The following ATP6V0A1 variants were observed in gnomAD, a reference collection of about 807,000 sequenced individuals.
ATP6V0A1 encodes V-type proton ATPase 116 kDa subunit a 1.
ATP6V0A1 carries 43 observed loss-of-function variants against 105.4 expected under a neutral mutation model. The ratio of observed to expected loss-of-function variants is 0.41; its 90% CI spans 0.32 to 0.53. The LOEUF (loss-of-function observed/expected upper bound fraction) is 0.53, where lower values mean the gene tolerates loss of function less well. ATP6V0A1 is among the 20% of genes least tolerant of loss of function. ATP6V0A1 has a pLI of 0.30. For synonymous variants in ATP6V0A1, 362 were observed against 372.8 expected (o/e 0.97, Z 0.33); for missense variants, 676 against 1,051.1 (o/e 0.64, Z 4.93).
At chr17:42,490,787 C>T in intron 11 of ATP6V0A1, 150 bp downstream of exon 11, 1 of 797,956 alleles carries the variant, frequency 1.3e-6, no homozygotes, top group Non-Finnish European at 1.9e-6. Flanking sequence ...CTCCTGGCCT[C>T]AAGAGATCCT....
At chr17:42,494,298 G>A (rs1327430331) in intron 11 of ATP6V0A1, 36 bp from the exon 12 acceptor site, 1 of 1,571,294 alleles carries the variant, frequency 6.4e-7, no homozygotes, top group South Asian at 1.1e-5. Flanking sequence ...ATGGTTTAAT[G>A]TACTTTGTAT....
chr17:42,477,399 T>C (rs2088893162), intron 5 of ATP6V0A1, among the ~76,000 whole-genome samples: 1 of 152,212 alleles, frequency 6.6e-6, no homozygotes, highest in African/African-American at 2.4e-5. Context: ...TTTTTCCTTT[T>C]GCTCCTTATT....
chr17:42,474,204 A>G (rs980293338), intron 5 of ATP6V0A1, among the ~76,000 whole-genome samples: 5 of 151,756 alleles, frequency 3.3e-5, no homozygotes, highest in Non-Finnish European at 5.9e-5. Context: ...GCGTTTCACC[A>G]TATTGGCCAG....
At chr17:42,493,289 G>A (rs1206940010) in intron 11 of ATP6V0A1, among the ~76,000 whole-genome samples, 1 of 152,162 alleles carries the variant, frequency 6.6e-6, no homozygotes, top group Non-Finnish European at 1.5e-5. Context: ...TTCATTTTCA[G>A]TTGGAGCCCT....
In ATP6V0A1 at chr17:42,501,736, G is replaced by A. The variant is rs188748589; in HGVS notation, c.2004+432G>A. 4.6e-5 allele frequency among the ~76,000 whole-genome samples: 7 copies of A among 151,526 alleles called. No individual in the cohort carries two copies. In the East Asian group the frequency reaches 1.4e-3, roughly 30 times the overall value. On this transcript the variant is annotated intron_variant, in intron 17 of 21. Transcript: ENST00000343619. ...CCACAAATCTGTATACTATTAAAAC[G>A]CATTTGTGGCCGGGCGCAGTGCCTC...
intron 5 of ATP6V0A1, among the ~76,000 whole-genome samples, chr17:42,475,951 C>T (rs952948370): frequency 2.0e-5 from 3 of 151,990 alleles, no homozygotes; most frequent in African/African-American, 4.8e-5. Context: ...GCATTGAGTC[C>T]GATATTTAGG....
At chr17:42,508,855 C>T (rs982891806) in intron 19 of ATP6V0A1, among the ~76,000 whole-genome samples, 1 of 152,222 alleles carries the variant, frequency 6.6e-6, no homozygotes, top group African/African-American at 2.4e-5. Flanking sequence ...AAAGGAGCTA[C>T]AAGTAATGTC....
In ATP6V0A1 at chr17:42,490,489, A is replaced by C; in HGVS notation, c.1026A>C (p.Glu342Asp). ...SIQFALRRGT[E>D]HSGSTVPSIL... ...ATAAATGTGCTAATGTTTTTCAGGA[A>C]CACAGTGGTTCCACTGTACCTTCCA... Residue 342 changes from glutamate to aspartate, a missense_variant and splice_region_variant, in exon 11 of 22, where the codon GAA becomes GAC. Glu to Asp is a conservative substitution (Grantham distance 45). Coordinates refer to ENST00000343619, the MANE Select transcript of ATP6V0A1 (RefSeq NM_001130021.3). The C allele has an allele frequency of 1.3e-6, 2 of 1,596,982 alleles. No individual in the cohort carries two copies. The highest frequency in any genetic ancestry group is 1.7e-6 in the Non-Finnish European group (2 of 1,174,960).
At chr17:42,505,721 G>A (rs967635346) in intron 17 of ATP6V0A1, among the ~76,000 whole-genome samples, 8 of 151,954 alleles carry the variant, frequency 5.3e-5, no homozygotes, top group African/African-American at 1.5e-4. Context: ...TTTGATGGAT[G>A]TGTTGGTTGT....
chr17:42,478,923 T>G (rs2089141982), intron 7 of ATP6V0A1: 1 of 154,046 alleles, frequency 6.5e-6, no homozygotes, highest in Non-Finnish European at 1.4e-5. Flanking sequence ...TTTTTTTTTT[T>G]GAGGTGGAGT....
At chr17:42,495,507 C>T in intron 13 of ATP6V0A1, 119 bp from the exon 14 acceptor site, 1 of 789,880 alleles carries the variant, frequency 1.3e-6, no homozygotes, top group Non-Finnish European at 2.0e-6. Context: ...TATTTTTCCC[C>T]TCCCATTTTA....
At chr17:42,495,320 G>A in intron 13 of ATP6V0A1, 132 bp downstream of exon 13, 1 of 977,272 alleles carries the variant, frequency 1.0e-6, no homozygotes, top group Non-Finnish European at 1.5e-6. Flanking sequence ...TCCACACTGT[G>A]AGTTGCTTTG....
rs1452688750 is a variant in ATP6V0A1, at chr17:42,470,233, T to C, written c.423+15T>C. 1 of 1,611,440 alleles carries C rather than the reference T, an allele frequency of 6.2e-7. No individual in the cohort carries two copies. Among genetic ancestry groups the C allele is most frequent in the Non-Finnish European group, 8.5e-7 (1 of 1,178,750 alleles). On this transcript the variant is annotated intron_variant, in intron 5 of 21. Transcript: ENST00000343619. Reference sequence around the variant, plus strand: ...TTTTTGATGAGGTCAGACTATTGTTTCTTTTAGTATTTGAGCAGCTGATAT... The same window carrying C: ...TTTTTGATGAGGTCAGACTATTGTTCCTTTTAGTATTTGAGCAGCTGATAT...
chr17:42,505,038 T>C (rs1219891754), intron 17 of ATP6V0A1, among the ~76,000 whole-genome samples: 2 of 142,290 alleles, frequency 1.4e-5, no homozygotes, highest in Non-Finnish European at 3.1e-5. Flanking sequence ...GATAATCACT[T>C]TTTTTTTTTT....
intron 12 of ATP6V0A1, 159 bp downstream of exon 12, chr17:42,494,632 G>C: frequency 1.1e-6 from 1 of 911,046 alleles, no homozygotes; most frequent in Admixed American, 3.0e-5. Context: ...GTGCAAGCTG[G>C]AAGTGGTAGT....
chr17:42,474,281 G>A (rs1379123217), intron 5 of ATP6V0A1, among the ~76,000 whole-genome samples: 1 of 151,874 alleles, frequency 6.6e-6, no homozygotes, highest in African/African-American at 2.4e-5. Flanking sequence ...AATTACAGGT[G>A]TGAGCCACCG....
intron 17 of ATP6V0A1, among the ~76,000 whole-genome samples, chr17:42,506,820 A>C (rs2092057677): frequency 6.6e-6 from 1 of 152,222 alleles, no homozygotes; most frequent in East Asian, 1.9e-4. Flanking sequence ...TGAACTCAGA[A>C]GAAGCAAATG....
Position 42,495,051 on chromosome 17 carries a change from C to G in ATP6V0A1, c.1332C>G (p.Phe444Leu). The change falls in exon 13 of 22, where the codon TTC becomes TTG. Residue 444 changes from phenylalanine to leucine, a missense_variant. By Grantham distance (22) the Phe-to-Leu change is conservative. This residue lies in a region of ATP6V0A1 where 435 missense variants were observed against 642.2 expected (regional missense o/e 0.68). Transcript: ENST00000343619. ...GTTCCCAGATGTTTAGCACTGTGTT[C>G]AGTGGTCGATACATTATTTTATTGA... is the stretch of plus-strand genomic sequence containing the variant. Reference protein sequence around the residue: ...KNENEMFSTVFSGRYIILLMG... With the variant: ...KNENEMFSTVLSGRYIILLMG... 6.2e-7 allele frequency: 1 copy of G among 1,613,962 alleles called. No individual in the cohort carries two copies. Among genetic ancestry groups the G allele is most frequent in the East Asian group, 2.2e-5 (1 of 44,876 alleles).
chr17:42,480,797 C>A (rs1373405701), intron 8 of ATP6V0A1, 48 bp downstream of exon 8: 2 of 1,546,206 alleles, frequency 1.3e-6, no homozygotes, highest in Non-Finnish European at 1.8e-6. Context: ...TGCTGCCCAA[C>A]TGTTGAGTCT....
Sources: gnomAD v4.1 joint callset for allele counts (sites outside exome capture counted in the v4.1 genomes callset) on GRCh38, gnomAD v4.1.1 for gene constraint, gnomAD v4.1.1 regional missense constraint, MANE v1.5 for transcripts, NCBI Gene and HGNC (gene_info 2026-07-23, HGNC 2026-07-21) for gene names.